Variants in SAMD12 observed in about 807,000 individuals in gnomAD.
SAMD12 encodes the protein sterile alpha motif domain-containing protein 12.
A neutral mutation model predicts 15.0 loss-of-function variants in SAMD12; 9 were observed. That is an observed-to-expected ratio of 0.60 (90% confidence interval 0.36 to 1.05). SAMD12 has a LOEUF of 1.05. SAMD12 is among the 50% of genes least tolerant of loss of function. The pLI is 0.01. For missense variants in SAMD12, 230 were observed against 234.2 expected (o/e 0.98, Z 0.12); for synonymous variants, 86 against 90.1 (o/e 0.96, Z 0.25).
chr8:118,411,199 G>A (rs1821391327), intron 3 of SAMD12, among the ~76,000 whole-genome samples: 2 of 152,278 alleles, frequency 1.3e-5, no homozygotes, highest in East Asian at 1.9e-4. Context: ...GGAAAAGACA[G>A]ATGAGTTAAA....
intron 4 of SAMD12, among the ~76,000 whole-genome samples, chr8:118,370,195 A>G (rs1208055739): frequency 1.3e-5 from 2 of 152,178 alleles, no homozygotes; most frequent in Non-Finnish European, 2.9e-5. Context: ...GCTCAACATC[A>G]CTGATCATTA....
At chr8:118,272,148 A>G (rs1157604681) in intron 4 of SAMD12, among the ~76,000 whole-genome samples, 5 of 152,184 alleles carry the variant, frequency 3.3e-5, no homozygotes, top group Admixed American at 6.5e-5. Context: ...ATTTCCATAC[A>G]TCCTCTGAAA....
chr8:118,200,992 C>G (rs1404988043), intron 4 of SAMD12, among the ~76,000 whole-genome samples: 2 of 152,158 alleles, frequency 1.3e-5, no homozygotes, highest in Admixed American at 1.3e-4. Flanking sequence ...GCTACACACA[C>G]CTGGACCCTT....
intron 2 of SAMD12, among the ~76,000 whole-genome samples, chr8:118,442,286 TAATGA>T (rs1822787073): frequency 6.6e-6 from 1 of 152,178 alleles, no homozygotes; most frequent in Admixed American, 6.5e-5. Flanking sequence ...GTGAATGAAT[TAATGA>T]AATGAAACAG....
chr8:118,268,826 A>G (rs958440536), intron 4 of SAMD12, among the ~76,000 whole-genome samples: 2 of 152,160 alleles, frequency 1.3e-5, no homozygotes, highest in East Asian at 3.9e-4. Context: ...AAAAAAGAAC[A>G]TGCTCCATAA....
At chr8:118,415,785 G>T (rs780252273) in intron 3 of SAMD12, among the ~76,000 whole-genome samples, 25 of 152,110 alleles carry the variant, frequency 1.6e-4, no homozygotes, top group Non-Finnish European at 3.1e-4. Flanking sequence ...GCCCACATAA[G>T]TCAAATAAGC....
At chr8:118,578,109 G>A (rs909534951) in intron 2 of SAMD12, among the ~76,000 whole-genome samples, 3 of 152,114 alleles carry the variant, frequency 2.0e-5, no homozygotes, top group African/African-American at 7.2e-5. Flanking sequence ...TTACATAAAC[G>A]GAAACATACA....
chr8:118,238,593 T>G (rs1812487826), intron 4 of SAMD12, among the ~76,000 whole-genome samples: 1 of 152,170 alleles, frequency 6.6e-6, no homozygotes, highest in Admixed American at 6.6e-5. Flanking sequence ...GTAGTGAAGC[T>G]ATAGACATAA....
chr8:118,440,679 C>CACACAA (rs1381652616), intron 2 of SAMD12, among the ~76,000 whole-genome samples: 4 of 149,146 alleles, frequency 2.7e-5, no homozygotes, highest in African/African-American at 1.0e-4. Context: ...CACACACACA[C>CACACAA]ACACACACAC....
the SAMD12 span, among the ~76,000 whole-genome samples, chr8:118,158,477 C>G: frequency 8.9e-3 from 1,358 of 152,332 alleles, 20 homozygotes; most frequent in African/African-American, 0.029. Context: ...GGGTAGGACC[C>G]CTGCTTTTCC....
At chr8:118,572,781 G>T (rs535087526) in intron 2 of SAMD12, among the ~76,000 whole-genome samples, 1 of 152,136 alleles carries the variant, frequency 6.6e-6, no homozygotes, top group East Asian at 1.9e-4. Context: ...CTTTATCGCA[G>T]CATGAAAAGG....
the SAMD12 span, among the ~76,000 whole-genome samples, chr8:118,151,838 A>G: frequency 1.4e-5 from 1 of 73,646 alleles, no homozygotes; most frequent in Admixed American, 1.3e-4. Flanking sequence ...TCAAAAAAAA[A>G]GAAAAAAAAA....
downstream of SAMD12, among the ~76,000 whole-genome samples, chr8:118,188,936 C>T (rs551033451): frequency 6.6e-6 from 1 of 152,140 alleles, no homozygotes; most frequent in Non-Finnish European, 1.5e-5. Flanking sequence ...TGAAGGTCAG[C>T]CTTTCTATTG....
chr8:118,507,670 G>A (rs1209341608), intron 2 of SAMD12, among the ~76,000 whole-genome samples: 1 of 152,186 alleles, frequency 6.6e-6, no homozygotes, highest in Non-Finnish European at 1.5e-5. Flanking sequence ...CTAAACTTAT[G>A]AAAGTAGTAC....
intron 4 of SAMD12, among the ~76,000 whole-genome samples, chr8:118,245,632 G>C (rs1328656239): frequency 6.6e-6 from 1 of 152,062 alleles, no homozygotes; most frequent in Non-Finnish European, 1.5e-5. Flanking sequence ...CTTTCTACTT[G>C]GTTATACTCT....
At chr8:118,550,383 T>G (rs534475742) in intron 2 of SAMD12, among the ~76,000 whole-genome samples, 153 of 152,272 alleles carry the variant, frequency 1.0e-3, no homozygotes, top group Admixed American at 7.0e-3. Context: ...TCAACATTCT[T>G]AAAGAAAAGA....
chr8:118,595,833 A>T (rs756502692), intron 1 of SAMD12, among the ~76,000 whole-genome samples: 2 of 152,188 alleles, frequency 1.3e-5, no homozygotes, highest in Admixed American at 6.5e-5. Context: ...TCAGAAGTAC[A>T]TTATTTTTTT....
At chr8:118,270,972 G>T (rs539916913) in intron 4 of SAMD12, among the ~76,000 whole-genome samples, 5 of 152,170 alleles carry the variant, frequency 3.3e-5, no homozygotes, top group Non-Finnish European at 7.3e-5. Context: ...GAGGGTCACA[G>T]GAGCTCCAAG....
intron 4 of SAMD12, among the ~76,000 whole-genome samples, chr8:118,285,134 TTTTC>T (rs890692678): frequency 1.3e-5 from 2 of 151,900 alleles, no homozygotes; most frequent in African/African-American, 2.4e-5. Context: ...CTTGGCCACG[TTTTC>T]TTTCTTTCTT....
Sources: allele counts gnomAD v4.1 joint callset (sites outside exome capture counted in the v4.1 genomes callset), GRCh38; gene constraint gnomAD v4.1.1; transcripts MANE v1.5; gene names NCBI Gene and HGNC (gene_info 2026-07-23, HGNC 2026-07-21).